Variants in KREMEN1 observed in about 807,000 individuals in gnomAD.
The protein encoded by KREMEN1 is kremen protein 1.
KREMEN1 carries 30 observed loss-of-function variants against 46.5 expected under a neutral mutation model. The ratio of observed to expected loss-of-function variants is 0.65; its 90% confidence interval spans 0.48 to 0.88. The LOEUF is 0.88. Among genes scored for constraint, KREMEN1 ranks in the 40% least tolerant of loss-of-function variants. The pLI is 0.00. For missense variants in KREMEN1, 533 were observed against 596.9 expected, an observed-to-expected ratio of 0.89 and a Z score of 1.11; for synonymous variants, 214 against 230.6, an observed-to-expected ratio of 0.93 and a Z score of 0.65.
intron 9 of KREMEN1, among the ~76,000 whole-genome samples, chr22:29,163,734 A>C (rs2039031353): frequency 6.6e-6 from 1 of 152,114 alleles, no homozygotes; most frequent in Non-Finnish European, 1.5e-5. Context: ...CAGGGACATA[A>C]AGATGGCAAC....
chr22:29,128,903 C>G (rs946205636), intron 5 of KREMEN1, among the ~76,000 whole-genome samples: 2 of 152,290 alleles, frequency 1.3e-5, no homozygotes, highest in Non-Finnish European at 2.9e-5. Context: ...AAAAATAGAT[C>G]ATAATAACGG....
chr22:29,082,661 T>A (rs979890133), intron 1 of KREMEN1, among the ~76,000 whole-genome samples: 1 of 152,162 alleles, frequency 6.6e-6, no homozygotes, highest in African/African-American at 2.4e-5. Flanking sequence ...GTGAGTAAGA[T>A]GCTCACAGGC....
At chr22:29,161,518 A>T in intron 9 of KREMEN1, among the ~76,000 whole-genome samples, 1 of 151,476 alleles carries the variant, frequency 6.6e-6, no homozygotes, top group Non-Finnish European at 1.5e-5. Flanking sequence ...AAAAAAAAAA[A>T]AAAAAAAAAA....
intron 9 of KREMEN1, among the ~76,000 whole-genome samples, chr22:29,158,050 T>C (rs1280973591): frequency 6.6e-6 from 1 of 152,162 alleles, no homozygotes; most frequent in East Asian, 1.9e-4. Context: ...TTAGCGAATA[T>C]ATAGCCTGTC....
chr22:29,120,886 A>G (rs187390560), intron 3 of KREMEN1, among the ~76,000 whole-genome samples: 1 of 152,222 alleles, frequency 6.6e-6, no homozygotes, highest in Admixed American at 6.5e-5. Flanking sequence ...ATAAGGAACT[A>G]ATATATTCAC....
chr22:29,141,798 C>T (rs534474579), intron 8 of KREMEN1, 146 bp from the exon 9 acceptor site: 31 of 532,662 alleles, frequency 5.8e-5, no homozygotes, highest in Admixed American at 1.2e-4. Flanking sequence ...TTCAGTTGCA[C>T]GCTAGTCCTT....
intron 7 of KREMEN1, among the ~76,000 whole-genome samples, chr22:29,139,862 G>A (rs1489596104): frequency 6.6e-6 from 1 of 152,198 alleles, no homozygotes; most frequent in Non-Finnish European, 1.5e-5. Context: ...AGCACTTCCT[G>A]TGCGTCATTA....
chr22:29,073,420 G>A lies in KREMEN1; in HGVS notation c.97+193G>A, dbSNP rs2037507684. Among the ~76,000 whole-genome samples, 1 of 151,254 alleles carries A rather than the reference G, an allele frequency of 6.6e-6. No homozygotes were observed. The highest frequency in any genetic ancestry group is 2.4e-5 in the African/African-American group (1 of 41,158). ...CCGGGCTACCCCCAGGCCCGTCATC[G>A]ACGCCCCCGGGCCCGGTACTGTCCC... On this transcript the variant is annotated intron_variant, in intron 1 of 8. Coordinates refer to ENST00000400335, the MANE Select transcript of KREMEN1 (RefSeq NM_001039570.3). The surrounding 1 kb of genome is among the most constrained non-coding windows in gnomAD (Gnocchi z 4.4).
chr22:29,156,317 AT>A (rs1313935423), intron 9 of KREMEN1, among the ~76,000 whole-genome samples: 1 of 152,236 alleles, frequency 6.6e-6, no homozygotes, highest in African/African-American at 2.4e-5. Flanking sequence ...CAAAATAAAC[AT>A]CTCCAGGCCC....
chr22:29,160,984 A>G (rs1315893795), intron 9 of KREMEN1, among the ~76,000 whole-genome samples: 3 of 98,142 alleles, frequency 3.1e-5, no homozygotes, highest in African/African-American at 7.5e-5. Context: ...CGCTAGCTAG[A>G]TTAACAAAGA....
chr22:29,097,531 T>C (rs1193481651), intron 2 of KREMEN1, among the ~76,000 whole-genome samples: 2 of 152,252 alleles, frequency 1.3e-5, no homozygotes, highest in East Asian at 3.8e-4. Flanking sequence ...GAGGAAGGAA[T>C]AGCACCCATT....
At chr22:29,137,058 GC>G (rs972155377) in intron 5 of KREMEN1, among the ~76,000 whole-genome samples, 4 of 152,158 alleles carry the variant, frequency 2.6e-5, no homozygotes, top group Admixed American at 2.6e-4. Context: ...CCATCACTTG[GC>G]CCTGCCAGTC....
intron 5 of KREMEN1, among the ~76,000 whole-genome samples, chr22:29,126,911 G>T (rs2038453706): frequency 6.6e-6 from 1 of 152,170 alleles, no homozygotes; most frequent in South Asian, 2.1e-4. Flanking sequence ...GCTAAAGACT[G>T]AACTTTGGCT....
chr22:29,163,155 G>T (rs920948673), intron 9 of KREMEN1, among the ~76,000 whole-genome samples: 1 of 152,080 alleles, frequency 6.6e-6, no homozygotes, highest in Non-Finnish European at 1.5e-5. Flanking sequence ...CGCCGTTCTC[G>T]TGATAGTGAG....
In KREMEN1 at chr22:29,145,653, A is replaced by G. The variant is rs2038846696; in HGVS notation, c.*3541A>G. The G allele has an allele frequency of 1.0e-6, 1 of 985,522 alleles. No individual in the cohort carries two copies. The highest frequency in any genetic ancestry group is 1.2e-6 in the Non-Finnish European group (1 of 829,990). 61.0% of individuals were successfully genotyped at this position (985,522 alleles called of 1,614,324 possible). A position where few individuals can be genotyped will look rare whatever the true frequency, so the allele number is the denominator to read the frequency against. On this transcript the variant is annotated 3_prime_UTR_variant, in exon 9 of 9. Transcript: ENST00000400335. Reference sequence around the variant, plus strand: ...GTGCCCTGTTCTTCCCCGTTTGTCCAGTTGCTTGCAAAGCAGAGAATGAGT... The same window carrying G: ...GTGCCCTGTTCTTCCCCGTTTGTCCGGTTGCTTGCAAAGCAGAGAATGAGT...
At chr22:29,118,607 C>G (rs187964651) in intron 3 of KREMEN1, among the ~76,000 whole-genome samples, 4 of 152,098 alleles carry the variant, frequency 2.6e-5, no homozygotes, top group Non-Finnish European at 4.4e-5. Context: ...GGGCTCTGGT[C>G]TCTTCCTCAT....
intron 7 of KREMEN1, among the ~76,000 whole-genome samples, chr22:29,139,365 G>A (rs1353726670): frequency 6.6e-6 from 1 of 152,210 alleles, no homozygotes; most frequent in Non-Finnish European, 1.5e-5. Context: ...ACTTTGGGAG[G>A]CCGAGGCAGG....
rs1386274287 is a variant in KREMEN1, at chr22:29,073,890, G to A, written c.97+663G>A. ...TCATCGACGCACCTTGCACCGGGAC[G>A]ACTCCCCCGCTACAAGAGGCTATAC... On this transcript the variant is annotated intron_variant, in intron 1 of 8. Coordinates refer to ENST00000400335, the MANE Select transcript of KREMEN1 (RefSeq NM_001039570.3). The surrounding 1 kb of genome is among the most constrained non-coding windows in gnomAD (Gnocchi z 4.4). 6.6e-6 allele frequency among the ~76,000 whole-genome samples: 1 copy of A among 152,026 alleles called. No homozygotes were observed. The highest frequency in any genetic ancestry group is 6.5e-5 in the Admixed American group (1 of 15,278).
At chr22:29,110,392 G>T (rs994173129) in intron 3 of KREMEN1, among the ~76,000 whole-genome samples, 3 of 152,226 alleles carry the variant, frequency 2.0e-5, no homozygotes, top group Non-Finnish European at 4.4e-5. Flanking sequence ...GGCAAGGCCC[G>T]ATTTAAGAAG....
Sources: allele counts gnomAD v4.1 joint callset (sites outside exome capture counted in the v4.1 genomes callset), GRCh38; gene constraint gnomAD v4.1.1; non-coding constraint Gnocchi (gnomAD v3.1); transcripts MANE v1.5; gene names NCBI Gene and HGNC (gene_info 2026-07-23, HGNC 2026-07-21).